The following PALM2AKAP2 variants were observed in gnomAD, a reference collection of about 807,000 sequenced individuals.
PALM2AKAP2 encodes PALM2-AKAP2 fusion protein.
Under a neutral mutation model 71.5 loss-of-function variants are expected in PALM2AKAP2, and 37 were observed. The ratio of observed to expected loss-of-function variants is 0.52; its 90% CI spans 0.40 to 0.68. The LOEUF is 0.68. Ranked by LOEUF, PALM2AKAP2 falls within the 30% of genes least tolerant of loss-of-function variation. The probability of loss-of-function intolerance (pLI) is 0.00; values close to 1 mark genes in which losing one functional copy is unlikely to be tolerated. For missense variants in PALM2AKAP2, 1,224 were observed against 1,191.8 expected (o/e 1.03, Z -0.40); for synonymous variants, 468 against 478.8 (o/e 0.98, Z 0.29).
At chr9:109,986,670 C>T (rs1832384416) in intron 6 of PALM2AKAP2, among the ~76,000 whole-genome samples, 1 of 152,178 alleles carries the variant, frequency 6.6e-6, no homozygotes, top group Non-Finnish European at 1.5e-5. Flanking sequence ...TTGACATTCT[C>T]TTGTATTATT....
At chr9:109,849,796 AGAGAGAGAGAG>A (rs1828960885) in intron 1 of PALM2AKAP2, among the ~76,000 whole-genome samples, 1 of 151,984 alleles carries the variant, frequency 6.6e-6, no homozygotes, top group Non-Finnish European at 1.5e-5. Context: ...ATAAACGGAA[AGAGAGAGAGAG>A]GAGAGAGAGA....
At chr9:109,838,768 A>G (rs193218809) in intron 1 of PALM2AKAP2, among the ~76,000 whole-genome samples, 88 of 152,346 alleles carry the variant, frequency 5.8e-4, no homozygotes, top group African/African-American at 1.9e-3. Context: ...AATAAACTAG[A>G]AAATCTAGAA....
intron 6 of PALM2AKAP2, among the ~76,000 whole-genome samples, chr9:109,999,773 G>A (rs1832646244): frequency 6.6e-6 from 1 of 152,140 alleles, no homozygotes; most frequent in Non-Finnish European, 1.5e-5. Context: ...CCACTAAATG[G>A]GGCCATGATC....
chr9:110,127,541 G>C (rs1261916618), intron 1 of PALM2AKAP2: 1 of 152,202 alleles, frequency 6.6e-6, no homozygotes, highest in African/African-American at 2.4e-5. Flanking sequence ...TATCACCCGG[G>C]GCCTCTCCTC....
At chr9:109,748,694 A>G (rs1369815555) in intron 1 of PALM2AKAP2, among the ~76,000 whole-genome samples, 1 of 152,168 alleles carries the variant, frequency 6.6e-6, no homozygotes. Flanking sequence ...AGAGGGTGTT[A>G]TATTGGCTTG....
chr9:110,158,126 C>T (rs1272549557), intron 3 of PALM2AKAP2, among the ~76,000 whole-genome samples: 2 of 152,240 alleles, frequency 1.3e-5, no homozygotes, highest in African/African-American at 2.4e-5. Context: ...CCAGCAGCTC[C>T]TTTCGTGAGC....
chr9:110,039,522 T>G (rs1407357795), intron 7 of PALM2AKAP2, among the ~76,000 whole-genome samples: 1 of 152,160 alleles, frequency 6.6e-6, no homozygotes, highest in Non-Finnish European at 1.5e-5. Context: ...AGGATTCCAA[T>G]CCAGGTCTTC....
rs190167490 is a variant in PALM2AKAP2, at chr9:109,806,202, G to A, written c.45+25669G>A. Among the ~76,000 whole-genome samples, 227 of 152,318 alleles carry A rather than the reference G, an allele frequency of 1.5e-3. 1 individual carries two copies. Among genetic ancestry groups the A allele is most frequent in the African/African-American group, 5.0e-3 (206 of 41,570 alleles). ...TGACATTACCCAATTATAAAATGCA[G>A]TAAACATAAAAACAATTTTCTTTTT... On this transcript the variant is annotated intron_variant, in intron 1 of 9. Transcript: ENST00000302798.
At chr9:109,733,510 G>A (rs553732827) in intron 1 of PALM2AKAP2, among the ~76,000 whole-genome samples, 1 of 152,158 alleles carries the variant, frequency 6.6e-6, no homozygotes, top group Admixed American at 6.5e-5. Context: ...ACAAAGCAGA[G>A]ACTCAAGAAG....
chr9:109,792,212 CT>C (rs1313690748), intron 1 of PALM2AKAP2, among the ~76,000 whole-genome samples: 1 of 152,096 alleles, frequency 6.6e-6, no homozygotes, highest in African/African-American at 2.4e-5. Context: ...GCTGGATGAA[CT>C]CATCAGTTCT....
At chr9:109,862,798 T>C (rs996083759) in intron 1 of PALM2AKAP2, 3 of 459,600 alleles carry the variant, frequency 6.5e-6, no homozygotes, top group Middle Eastern at 3.2e-4. Context: ...TGTGCCATCA[T>C]AGATGAATTG....
chr9:109,662,920 A>G (rs1256843821), intron 1 of PALM2AKAP2, among the ~76,000 whole-genome samples: 1 of 152,100 alleles, frequency 6.6e-6, no homozygotes, highest in Non-Finnish European at 1.5e-5. Context: ...CCAGGAATTT[A>G]TCCATTTCTT....
chr9:109,783,238 G>A (rs141786637), intron 1 of PALM2AKAP2, among the ~76,000 whole-genome samples: 1 of 152,268 alleles, frequency 6.6e-6, no homozygotes, highest in Non-Finnish European at 1.5e-5. Context: ...GTGTTGAGCA[G>A]AGCCCTTAGC....
At chr9:109,892,785 A>C (rs1830115975) in intron 3 of PALM2AKAP2, among the ~76,000 whole-genome samples, 1 of 152,042 alleles carries the variant, frequency 6.6e-6, no homozygotes, top group Non-Finnish European at 1.5e-5. Context: ...TATAAAAAGA[A>C]ATAATAATAA....
exon 2 of PALM2AKAP2, chr9:110,136,531 C>G (rs1261791700): frequency 6.2e-7 from 1 of 1,613,348 alleles, no homozygotes. Flanking sequence ...ACGAGGCGAC[C>G]CAGCCAGAAC....
chr9:109,924,569 C>T (rs563598059), intron 4 of PALM2AKAP2, among the ~76,000 whole-genome samples: 6 of 152,260 alleles, frequency 3.9e-5, no homozygotes, highest in Admixed American at 1.3e-4. Context: ...CACTGCACTC[C>T]AGCCTGGGCG....
chr9:109,694,157 T>C (rs1019734410), intron 1 of PALM2AKAP2, among the ~76,000 whole-genome samples: 1 of 152,022 alleles, frequency 6.6e-6, no homozygotes, highest in African/African-American at 2.4e-5. Flanking sequence ...TTCATGAACT[T>C]TTCTCAAAAC....
At chr9:109,669,306 C>CT (rs1039211808) in intron 1 of PALM2AKAP2, among the ~76,000 whole-genome samples, 2 of 151,040 alleles carry the variant, frequency 1.3e-5, no homozygotes, top group African/African-American at 2.4e-5. Flanking sequence ...TTGTCATATA[C>CT]TTTTTTCTAG....
intron 1 of PALM2AKAP2, among the ~76,000 whole-genome samples, chr9:109,781,651 C>G (rs1826803074): frequency 6.6e-6 from 1 of 152,202 alleles, no homozygotes; most frequent in African/African-American, 2.4e-5. Flanking sequence ...GTCTCCAAGG[C>G]TCTGAGACCC....
Sources: gnomAD v4.1 joint callset for allele counts (sites outside exome capture counted in the v4.1 genomes callset) on GRCh38, gnomAD v4.1.1 for gene constraint, MANE v1.5 for transcripts, NCBI Gene and HGNC (gene_info 2026-07-23, HGNC 2026-07-21) for gene names.